Variants in CERS6 observed in about 807,000 individuals in gnomAD.
CERS6 encodes ceramide synthase 6, also known as LAG1 homolog, ceramide synthase 6.
Under a neutral mutation model 56.8 loss-of-function variants are expected in CERS6, and 26 were observed. The ratio of observed to expected loss-of-function variants is 0.46; its 90% CI spans 0.34 to 0.63. The LOEUF is 0.63. CERS6 is among the 30% of genes least tolerant of loss of function. The pLI is 0.01. For missense variants in CERS6, 415 were observed against 467.5 expected (o/e 0.89, Z 1.04); for synonymous variants, 164 against 173.3 (o/e 0.95, Z 0.42).
chr2:168,498,617 G>A (rs1009351885), intron 1 of CERS6, among the ~76,000 whole-genome samples: 1 of 152,198 alleles, frequency 6.6e-6, no homozygotes, highest in Admixed American at 6.5e-5. Context: ...GAGACTTAAC[G>A]TAAATATATT....
intron 1 of CERS6, among the ~76,000 whole-genome samples, chr2:168,507,435 C>T (rs1694698267): frequency 6.6e-6 from 1 of 151,836 alleles, no homozygotes; most frequent in Non-Finnish European, 1.5e-5. Flanking sequence ...GGATATAGAT[C>T]CTTCTGGTGT....
chr2:168,663,189 AAC>A (rs1422264472), intron 4 of CERS6, among the ~76,000 whole-genome samples: 1 of 152,150 alleles, frequency 6.6e-6, no homozygotes, highest in Non-Finnish European at 1.5e-5. Flanking sequence ...CATCCAGTTA[AAC>A]ACAGTGTATG....
intron 3 of CERS6, among the ~76,000 whole-genome samples, chr2:168,579,984 C>T (rs558458192): frequency 1.3e-5 from 2 of 152,306 alleles, no homozygotes; most frequent in African/African-American, 2.4e-5. Flanking sequence ...GCCACTTTTC[C>T]GCCCAAGAAA....
intron 3 of CERS6, among the ~76,000 whole-genome samples, chr2:168,624,186 T>C (rs1228198860): frequency 1.3e-5 from 2 of 152,180 alleles, no homozygotes; most frequent in Non-Finnish European, 2.9e-5. Flanking sequence ...TCATTTCACA[T>C]TGAGTGTGTG....
At chr2:168,581,983 G>A (rs377390709) in intron 3 of CERS6, among the ~76,000 whole-genome samples, 2 of 152,136 alleles carry the variant, frequency 1.3e-5, no homozygotes, top group African/African-American at 2.4e-5. Flanking sequence ...TGACTCCCAG[G>A]CCCACCTGGG....
intron 9 of CERS6, among the ~76,000 whole-genome samples, chr2:168,766,967 C>T (rs545562343): frequency 6.6e-6 from 1 of 152,364 alleles, no homozygotes; most frequent in South Asian, 2.1e-4. Flanking sequence ...TGACCTCTCA[C>T]TCTTTGTAAT....
intron 3 of CERS6, among the ~76,000 whole-genome samples, chr2:168,565,308 C>T (rs762942481): frequency 5.9e-5 from 9 of 152,094 alleles, no homozygotes; most frequent in South Asian, 2.1e-4. Context: ...TACACGTGCC[C>T]GAGCCCCATC....
At chr2:168,717,348 T>A (rs890342038) in intron 7 of CERS6, among the ~76,000 whole-genome samples, 1 of 151,982 alleles carries the variant, frequency 6.6e-6, no homozygotes. Context: ...CCCAGAGTAC[T>A]CCTTGTGCCT....
chr2:168,575,811 T>A (rs1023676351), intron 3 of CERS6, among the ~76,000 whole-genome samples: 2 of 152,126 alleles, frequency 1.3e-5, no homozygotes, highest in African/African-American at 4.8e-5. Flanking sequence ...TTCTCACCCC[T>A]TGGCCTTTGC....
chr2:168,484,167 GTTTTTTTTT>G (rs34492119), intron 1 of CERS6, among the ~76,000 whole-genome samples: 2 of 51,610 alleles, frequency 3.9e-5, no homozygotes, highest in African/African-American at 1.4e-4. Context: ...TCTTTTTTCT[GTTTTTTTTT>G]TTTTTTTTTT....
intron 4 of CERS6, among the ~76,000 whole-genome samples, chr2:168,654,417 C>T (rs147339169): frequency 1.2e-4 from 19 of 152,164 alleles, no homozygotes; most frequent in African/African-American, 3.4e-4. Context: ...GTAGTGTGCA[C>T]CTGTGATCCT....
chr2:168,571,650 C>G (rs973891110), intron 3 of CERS6, among the ~76,000 whole-genome samples: 1 of 152,086 alleles, frequency 6.6e-6, no homozygotes, highest in African/African-American at 2.4e-5. Flanking sequence ...TTGGAGCCAA[C>G]TACTTTTATT....
intron 1 of CERS6, among the ~76,000 whole-genome samples, chr2:168,482,778 A>G (rs1558966348): frequency 6.6e-6 from 1 of 152,218 alleles, no homozygotes; most frequent in Non-Finnish European, 1.5e-5. Flanking sequence ...GCTCTGCAGG[A>G]TGAAGGCTGT....
chr2:168,527,442 A>C (rs1429875574), intron 1 of CERS6, among the ~76,000 whole-genome samples: 1 of 152,188 alleles, frequency 6.6e-6, no homozygotes, highest in South Asian at 2.1e-4. Flanking sequence ...GGGTTTATGC[A>C]GATTTATAAT....
At chr2:168,538,771 G>A (rs1416043698) in intron 1 of CERS6, among the ~76,000 whole-genome samples, 1 of 152,140 alleles carries the variant, frequency 6.6e-6, no homozygotes, top group African/African-American at 2.4e-5. Flanking sequence ...TAAGCTATTT[G>A]CCATTTTCCC....
rs561611638 is a variant in CERS6 at position 168,644,262 on chromosome 2, T to C, written c.465+13220T>C. ...TCTGAACTGAGCATGTGACTGAGGATGAAGGAAGCTTCAGCTCAGGAAGAT... is the reference window on the plus strand; with the variant it reads ...TCTGAACTGAGCATGTGACTGAGGACGAAGGAAGCTTCAGCTCAGGAAGAT... On this transcript the variant is annotated intron_variant, in intron 4 of 9. Transcript: ENST00000305747. 1.9e-5 allele frequency: 18 copies of C among 970,740 alleles called. No individual in the cohort carries two copies. The East Asian group carries it at 1.6e-3, about 87-fold the overall frequency. The allele number at this position is 970,740 out of a possible 1,614,324, so 60.1% of individuals were successfully genotyped here.
At chr2:168,626,644 A>C (rs1407469576) in intron 3 of CERS6, among the ~76,000 whole-genome samples, 1 of 152,218 alleles carries the variant, frequency 6.6e-6, no homozygotes, top group Non-Finnish European at 1.5e-5. Flanking sequence ...TAGGCAAAGC[A>C]GGGTGCTCTA....
chr2:168,728,307 T>TGAAGTACTGAA (rs1683408868), intron 8 of CERS6, among the ~76,000 whole-genome samples: 1 of 149,686 alleles, frequency 6.7e-6, no homozygotes, highest in South Asian at 2.1e-4. Context: ...GTGGGTGGAG[T>TGAAGTACTGAA]GAAGTACTGA....
chr2:168,562,277 C>G (rs987971618), intron 3 of CERS6, among the ~76,000 whole-genome samples: 1 of 152,074 alleles, frequency 6.6e-6, no homozygotes, highest in South Asian at 2.1e-4. Flanking sequence ...CCCTCCACAC[C>G]TGTGGGTATT....
Sources: allele counts gnomAD v4.1 joint callset (sites outside exome capture counted in the v4.1 genomes callset), GRCh38; gene constraint gnomAD v4.1.1; transcripts MANE v1.5; gene names NCBI Gene and HGNC (gene_info 2026-07-23, HGNC 2026-07-21).